Variants in RFX4 observed in about 807,000 individuals in gnomAD.
The protein encoded by RFX4 is regulatory factor X4, also known as transcription factor RFX4.
Under a neutral mutation model 95.0 loss-of-function variants are expected in RFX4, and 10 were observed. The ratio of observed to expected loss-of-function variants is 0.11; its 90% confidence interval spans 0.06 to 0.18. The LOEUF is 0.18. Ranked by LOEUF, RFX4 falls within the 10% of genes least tolerant of loss-of-function variation. The probability of loss-of-function intolerance (pLI) is 1.00; values close to 1 mark genes in which losing one functional copy is unlikely to be tolerated. For missense variants in RFX4, 640 were observed against 922.0 expected (o/e 0.69, Z 3.96); for synonymous variants, 321 against 340.7 (o/e 0.94, Z 0.64).
chr12:106,722,429 C>A (rs2042413603), intron 13 of RFX4, among the ~76,000 whole-genome samples: 1 of 152,176 alleles, frequency 6.6e-6, no homozygotes, highest in African/African-American at 2.4e-5. Context: ...CTTTGAAATT[C>A]ATCTGTGCTT....
At chr12:106,716,941 G>A (rs148119323) in intron 11 of RFX4, among the ~76,000 whole-genome samples, 1 of 141,008 alleles carries the variant, frequency 7.1e-6, no homozygotes, top group East Asian at 2.1e-4. Flanking sequence ...CTCACGTCTA[G>A]TCCCAGCTTC....
At chr12:106,583,760 C>A (rs1469651897) in intron 1 of RFX4, 1 of 159,656 alleles carries the variant, frequency 6.3e-6, no homozygotes, top group East Asian at 1.8e-4. Flanking sequence ...AATAGCGGTG[C>A]GCTCGGGGTC....
chr12:106,733,188 A>C, intron 15 of RFX4, 103 bp downstream of exon 15: 7 of 1,277,306 alleles, frequency 5.5e-6, no homozygotes, highest in Non-Finnish European at 7.9e-6. Context: ...CACACACAAA[A>C]AGCCAGACAT....
intron 2 of RFX4, among the ~76,000 whole-genome samples, chr12:106,619,566 T>G (rs896449704): frequency 6.6e-6 from 1 of 152,174 alleles, no homozygotes; most frequent in South Asian, 2.1e-4. Context: ...TGCATAGATA[T>G]GGCTTTCTTG....
At position 106,586,071 on chromosome 12, in the gene RFX4, C is replaced by T. The variant is rs2039451985; in HGVS notation, c.43+2708C>T. 1 of 152,238 alleles carries T rather than the reference C, an allele frequency of 6.6e-6. No individual in the cohort carries two copies. The highest frequency in any genetic ancestry group is 1.5e-5 in the Non-Finnish European group (1 of 68,058). The allele number at this position is 152,238 out of a possible 1,614,324, so 9.4% of individuals were successfully genotyped here. A position where few individuals can be genotyped will look rare whatever the true frequency, so the allele number is the denominator to read the frequency against. ...GAAGCTGGGCAGCCGGCGCGCGCCT[C>T]CTGGGCCCTAGGCGCTCTCGCTGCC... On this transcript the variant is annotated intron_variant, in intron 1 of 17. Coordinates refer to ENST00000392842, the MANE Select transcript of RFX4 (RefSeq NM_213594.3). The surrounding 1 kb of genome is among the most constrained non-coding windows in gnomAD (Gnocchi z 5.6).
At chr12:106,668,472 G>A (rs765377549) in intron 4 of RFX4, among the ~76,000 whole-genome samples, 53 of 152,262 alleles carry the variant, frequency 3.5e-4, no homozygotes, top group Non-Finnish European at 5.4e-4. Context: ...CAGGCTCATA[G>A]TCCCAGCTAC....
At chr12:106,711,568 C>A in intron 10 of RFX4, 57 bp downstream of exon 10, 2 of 1,465,202 alleles carry the variant, frequency 1.4e-6, no homozygotes, top group Admixed American at 1.7e-5. Flanking sequence ...AATGAGGGGG[C>A]AAATCCACAA....
chr12:106,640,641 T>A (rs2040603094), intron 3 of RFX4, among the ~76,000 whole-genome samples: 3 of 152,156 alleles, frequency 2.0e-5, no homozygotes, highest in Admixed American at 2.0e-4. Flanking sequence ...ACTTTATGTA[T>A]CAGATCAAAT....
At chr12:106,708,401 AG>A (rs1366438730) in intron 8 of RFX4, among the ~76,000 whole-genome samples, 1 of 147,232 alleles carries the variant, frequency 6.8e-6, no homozygotes, top group Non-Finnish European at 1.5e-5. Flanking sequence ...GGGAGGAGAG[AG>A]TTGGGGAATT....
At chr12:106,594,572 G>A (rs1403281928) in intron 1 of RFX4, among the ~76,000 whole-genome samples, 5 of 152,188 alleles carry the variant, frequency 3.3e-5, no homozygotes, top group Non-Finnish European at 7.3e-5. Flanking sequence ...CGCCTCGGCT[G>A]CCTCACAGGG....
intron 10 of RFX4, among the ~76,000 whole-genome samples, chr12:106,712,034 T>C (rs979239725): frequency 5.9e-5 from 9 of 152,258 alleles, no homozygotes; most frequent in African/African-American, 1.9e-4. Flanking sequence ...TATAGCTTGA[T>C]GGCATATAAC....
intron 4 of RFX4, among the ~76,000 whole-genome samples, chr12:106,658,616 C>T (rs11113075): frequency 0.14 from 21,949 of 152,060 alleles, 1,750 homozygotes; most frequent in East Asian, 0.27. Context: ...GGTTGGGAGA[C>T]AGTGGGGGAG....
intron 1 of RFX4, among the ~76,000 whole-genome samples, chr12:106,602,657 C>T (rs1169183262): frequency 6.6e-6 from 1 of 152,174 alleles, no homozygotes; most frequent in African/African-American, 2.4e-5. Context: ...TTGGGGGTAA[C>T]CTTCGCCCTT....
At chr12:106,701,129 A>G (rs1235883986) in intron 8 of RFX4, among the ~76,000 whole-genome samples, 5 of 152,228 alleles carry the variant, frequency 3.3e-5, no homozygotes, top group African/African-American at 7.2e-5. Flanking sequence ...GATTTTGAGA[A>G]ATACTTTCAC....
At chr12:106,758,625 G>T (rs541579985) in intron 17 of RFX4, among the ~76,000 whole-genome samples, 4 of 152,328 alleles carry the variant, frequency 2.6e-5, no homozygotes, top group Non-Finnish European at 5.9e-5. Flanking sequence ...GGCCAGGTGA[G>T]AATTCTAAGG....
At position 106,586,602 on chromosome 12, in the gene RFX4, C is replaced by A. The variant is rs1228675215; in HGVS notation, c.43+3239C>A. On this transcript the variant is annotated intron_variant, in intron 1 of 17. Transcript: ENST00000392842. This position sits in a 1 kb window ranked among gnomAD's most constrained non-coding sequence, Gnocchi z 5.6. ...CTTCTGCCTCCATCCACTTTCCGCT[C>A]CCATCTCCAGAACCCAGAGCTGAGG... 6.6e-6 allele frequency among the ~76,000 whole-genome samples: 1 copy of A among 152,202 alleles called. No individual in the cohort carries two copies. Among genetic ancestry groups the A allele is most frequent in the Non-Finnish European group, 1.5e-5 (1 of 68,030 alleles).
chr12:106,588,266 C>G (rs2039492193), intron 1 of RFX4, among the ~76,000 whole-genome samples: 1 of 152,184 alleles, frequency 6.6e-6, no homozygotes, highest in Non-Finnish European at 1.5e-5. Flanking sequence ...TCATTGCCAC[C>G]TGCAGTGCAT....
rs1228282532 is a variant in RFX4 at position 106,720,342 on chromosome 12, T to C, written c.1233+288T>C. 6.6e-6 allele frequency among the ~76,000 whole-genome samples: 1 copy of C among 152,240 alleles called. No homozygotes were observed. Among genetic ancestry groups the C allele is most frequent in the Non-Finnish European group, 1.5e-5 (1 of 68,054 alleles). On this transcript the variant is annotated intron_variant, in intron 12 of 17. Transcript: ENST00000392842. The surrounding 1 kb of genome is among the most constrained non-coding windows in gnomAD (Gnocchi z 4.2). ...AAACAAAAACCATTGCTCCATAGCA[T>C]TGACTTTGAAGACCATAAGCCTTCC...
At position 106,686,876 on chromosome 12, in the gene RFX4, T is replaced by C; in HGVS notation, c.378-8T>C. 1 of 1,607,588 alleles carries C rather than the reference T, an allele frequency of 6.2e-7. No individual in the cohort carries two copies. The highest frequency in any genetic ancestry group is 8.5e-7 in the Non-Finnish European group (1 of 1,175,150). ...TTCTCTCTCTCCCTCCCTCCCCTTG[T>C]GGCCCAGGTACCATTACTATGGCAT... On this transcript the variant is annotated splice_region_variant and splice_polypyrimidine_tract_variant and intron_variant, in intron 5 of 17. Transcript: ENST00000392842.
Sources: gnomAD v4.1 joint callset for allele counts (sites outside exome capture counted in the v4.1 genomes callset) on GRCh38, gnomAD v4.1.1 for gene constraint, Gnocchi (gnomAD v3.1) non-coding constraint, MANE v1.5 for transcripts, NCBI Gene and HGNC (gene_info 2026-07-23, HGNC 2026-07-21) for gene names.